DOCK4: variants seen among roughly 807,000 people sequenced by gnomAD.
The protein encoded by DOCK4 is dedicator of cytokinesis 4, also known as dedicator of cytokinesis protein 4.
DOCK4 carries 97 observed loss-of-function variants against 268.1 expected under a neutral mutation model. The ratio of observed to expected loss-of-function variants is 0.36; its 90% CI spans 0.31 to 0.43. The LOEUF (loss-of-function observed/expected upper bound fraction) is 0.43. Ranked by LOEUF, DOCK4 falls within the 20% of genes least tolerant of loss-of-function variation. The probability of loss-of-function intolerance (pLI) is 1.00; values close to 1 mark genes in which losing one functional copy is unlikely to be tolerated. For missense variants in DOCK4, 2,145 were observed against 2,455.7 expected (o/e 0.87, Z 2.67); for synonymous variants, 954 against 887.2 (o/e 1.08, Z -1.34).
intron 39 of DOCK4, among the ~76,000 whole-genome samples, chr7:111,760,738 TTGTGTGTGTGTG>T (rs3997406): frequency 1.2e-3 from 170 of 136,994 alleles, no homozygotes; most frequent in Middle Eastern, 3.8e-3. Flanking sequence ...TGTCTGCTTT[TTGTGTGTGTGTG>T]TGTGTGTGTG....
chr7:111,766,071 G>A (rs979013487), intron 38 of DOCK4, among the ~76,000 whole-genome samples: 1 of 152,196 alleles, frequency 6.6e-6, no homozygotes, highest in African/African-American at 2.4e-5. Flanking sequence ...GATGCCAAGA[G>A]ATGAACAGCA....
At chr7:111,754,737 G>A (rs1440458606) in intron 42 of DOCK4, among the ~76,000 whole-genome samples, 1 of 152,190 alleles carries the variant, frequency 6.6e-6, no homozygotes, top group Non-Finnish European at 1.5e-5. Context: ...TTCAGCTGCT[G>A]CTCTCCCTGC....
chr7:111,927,114 G>A (rs1793777918), intron 12 of DOCK4, among the ~76,000 whole-genome samples: 1 of 152,170 alleles, frequency 6.6e-6, no homozygotes. Context: ...TCTGACCATA[G>A]GCTCACTGTC....
chr7:111,765,289 A>C, intron 38 of DOCK4, 67 bp from the exon 39 acceptor site: 3 of 937,748 alleles, frequency 3.2e-6, no homozygotes, highest in Non-Finnish European at 3.1e-6. Context: ...TTTATAGAAT[A>C]AGATTTCTTT....
intron 12 of DOCK4, 39 bp downstream of exon 12, chr7:111,935,501 C>T (rs377153626): frequency 3.6e-5 from 57 of 1,584,552 alleles, no homozygotes; most frequent in Admixed American, 2.2e-4. Flanking sequence ...GGGCTTGGAA[C>T]GAAAAGTGTA....
intron 26 of DOCK4, among the ~76,000 whole-genome samples, chr7:111,833,783 C>G (rs756125511): frequency 1.9e-4 from 29 of 152,084 alleles, no homozygotes; most frequent in Non-Finnish European, 4.4e-5. Flanking sequence ...CAATTTCTTC[C>G]CCTAAGGCAC....
At chr7:111,931,903 C>T (rs1794233605) in intron 12 of DOCK4, among the ~76,000 whole-genome samples, 1 of 152,138 alleles carries the variant, frequency 6.6e-6, no homozygotes, top group South Asian at 2.1e-4. Context: ...CTAGGACATC[C>T]TGCTTGCAGA....
At chr7:112,198,487 T>C (rs1370209267) in intron 1 of DOCK4, among the ~76,000 whole-genome samples, 2 of 152,230 alleles carry the variant, frequency 1.3e-5, no homozygotes, top group Admixed American at 1.3e-4. Context: ...CCAAACCTGT[T>C]GCTTTCATTT....
intron 25 of DOCK4, among the ~76,000 whole-genome samples, chr7:111,835,977 A>G (rs959529303): frequency 2.0e-5 from 3 of 152,220 alleles, no homozygotes; most frequent in African/African-American, 7.2e-5. Context: ...GAAACTAACC[A>G]GTGTGGGCCA....
intron 44 of DOCK4, among the ~76,000 whole-genome samples, chr7:111,743,112 G>A (rs1263701317): frequency 6.6e-6 from 1 of 152,222 alleles, no homozygotes; most frequent in Non-Finnish European, 1.5e-5. Context: ...GATCCGAAGA[G>A]ATGAAGGTAA....
At chr7:112,053,426 A>T (rs1805542311) in intron 1 of DOCK4, among the ~76,000 whole-genome samples, 1 of 152,154 alleles carries the variant, frequency 6.6e-6, no homozygotes, top group Non-Finnish European at 1.5e-5. Flanking sequence ...GTAAGAAAAA[A>T]ATTATTCCAC....
intron 1 of DOCK4, among the ~76,000 whole-genome samples, chr7:112,027,950 G>A (rs1336402928): frequency 6.6e-6 from 1 of 152,172 alleles, no homozygotes; most frequent in Non-Finnish European, 1.5e-5. Flanking sequence ...CATTCCATTT[G>A]AGAAAGACAG....
chr7:111,794,831 A>G (rs1291922056), intron 30 of DOCK4, among the ~76,000 whole-genome samples: 3 of 152,150 alleles, frequency 2.0e-5, no homozygotes, highest in Non-Finnish European at 4.4e-5. Flanking sequence ...CTCTCCTAGG[A>G]ATGGGACTCA....
intron 1 of DOCK4, among the ~76,000 whole-genome samples, chr7:112,034,885 G>GA (rs1371662287): frequency 6.6e-6 from 1 of 152,146 alleles, no homozygotes; most frequent in Admixed American, 6.5e-5. Context: ...CTGGGAGACA[G>GA]AAAAAATGAC....
At chr7:111,905,685 G>GTT (rs1269459927) in intron 13 of DOCK4, among the ~76,000 whole-genome samples, 1 of 142,350 alleles carries the variant, frequency 7.0e-6, no homozygotes, top group African/African-American at 2.8e-5. Flanking sequence ...ATGCATGTAT[G>GTT]TGTGTGTGTG....
intron 1 of DOCK4, among the ~76,000 whole-genome samples, chr7:112,104,518 C>G (rs920754729): frequency 6.6e-6 from 1 of 152,126 alleles, no homozygotes; most frequent in South Asian, 2.1e-4. Context: ...GCAAGGTAAG[C>G]GCCAAAACTC....
chr7:111,899,369 T>C (rs1192224675), intron 15 of DOCK4, among the ~76,000 whole-genome samples: 1 of 152,198 alleles, frequency 6.6e-6, no homozygotes, highest in Non-Finnish European at 1.5e-5. Context: ...CTCTCGTTTG[T>C]TGTACTGCTC....
At chr7:111,762,743 A>G (rs1797494197) in intron 39 of DOCK4, among the ~76,000 whole-genome samples, 1 of 113,146 alleles carries the variant, frequency 8.8e-6, no homozygotes, top group Admixed American at 9.7e-5. Flanking sequence ...TCTTTAAATA[A>G]CCCATTTTGT....
At position 112,135,320 on chromosome 7, in the gene DOCK4, G is replaced by A. The variant is rs148845624; in HGVS notation, c.37+70782C>T. The stretch of plus-strand genomic sequence containing the variant: ...AATATATTTACGCTTTACCTTTTTA[G>A]TCTTATGTTTTTGTCAAAACTAAGC... On this transcript the variant is annotated intron_variant, in intron 1 of 52. Transcript: ENST00000428084. 1.2e-3 allele frequency among the ~76,000 whole-genome samples: 179 copies of A among 151,862 alleles called. 1 individual carries two copies. The highest frequency in any genetic ancestry group is 4.1e-3 in the African/African-American group (168 of 41,402).
Sources: gnomAD v4.1 joint callset for allele counts (sites outside exome capture counted in the v4.1 genomes callset) on GRCh38, gnomAD v4.1.1 for gene constraint, MANE v1.5 for transcripts, NCBI Gene and HGNC (gene_info 2026-07-23, HGNC 2026-07-21) for gene names.